ZBTB20: variants seen among roughly 807,000 people sequenced by gnomAD.
ZBTB20 encodes zinc finger and BTB domain containing 20.
In ZBTB20, 9 loss-of-function variants were observed where a neutral mutation model predicts 56.9. The ratio of observed to expected loss-of-function variants is 0.16; its 90% CI spans 0.10 to 0.28. The LOEUF (loss-of-function observed/expected upper bound fraction) is 0.28, where lower values mean the gene tolerates loss of function less well. ZBTB20 is among the 10% of genes least tolerant of loss of function. The pLI is 1.00. For missense variants in ZBTB20, 655 were observed against 1,003.0 expected (o/e 0.65, Z 4.69); for synonymous variants, 417 against 420.7 (o/e 0.99, Z 0.11).
At chr3:115,129,580 C>T (rs941774582) in intron 1 of ZBTB20, among the ~76,000 whole-genome samples, 1 of 152,156 alleles carries the variant, frequency 6.6e-6, no homozygotes, top group Non-Finnish European at 1.5e-5. Flanking sequence ...GCTAGAGTCA[C>T]TTTTAAGTAC....
At chr3:114,517,524 A>G (rs2046145515) in intron 6 of ZBTB20, among the ~76,000 whole-genome samples, 1 of 152,058 alleles carries the variant, frequency 6.6e-6, no homozygotes, top group Non-Finnish European at 1.5e-5. Context: ...AGTGTTTGGG[A>G]AGGACATCCC....
intron 7 of ZBTB20, among the ~76,000 whole-genome samples, chr3:114,398,394 C>A (rs2086522986): frequency 6.6e-6 from 1 of 151,970 alleles, no homozygotes; most frequent in African/African-American, 2.4e-5. Flanking sequence ...GGTTTAAAAC[C>A]CAATTTCTGT....
chr3:114,755,049 C>T (rs1290125176), intron 5 of ZBTB20, among the ~76,000 whole-genome samples: 1 of 152,142 alleles, frequency 6.6e-6, no homozygotes, highest in Non-Finnish European at 1.5e-5. Flanking sequence ...ATTCTCAGAG[C>T]TTCTGATTTA....
At chr3:114,998,591 G>A (rs1204296050) in intron 2 of ZBTB20, among the ~76,000 whole-genome samples, 2 of 151,712 alleles carry the variant, frequency 1.3e-5, no homozygotes, top group Non-Finnish European at 1.5e-5. Flanking sequence ...GAATAGAATA[G>A]TGACTCTAGA....
At chr3:114,792,477 A>C (rs1006576952) in intron 5 of ZBTB20, among the ~76,000 whole-genome samples, 1 of 152,196 alleles carries the variant, frequency 6.6e-6, no homozygotes, top group Non-Finnish European at 1.5e-5. Flanking sequence ...AGGGGGAAGA[A>C]ACAACTACTG....
At chr3:114,713,271 TG>T (rs2064221489) in intron 5 of ZBTB20, among the ~76,000 whole-genome samples, 1 of 152,186 alleles carries the variant, frequency 6.6e-6, no homozygotes, top group South Asian at 2.1e-4. Flanking sequence ...GCAATGCAGA[TG>T]GGTCTCAATT....
chr3:114,657,885 T>C (rs2060499586), intron 6 of ZBTB20, among the ~76,000 whole-genome samples: 1 of 152,140 alleles, frequency 6.6e-6, no homozygotes, highest in African/African-American at 2.4e-5. Flanking sequence ...GAAATATTTG[T>C]CCTGAAACAG....
chr3:114,674,918 A>G (rs889836941), intron 6 of ZBTB20, among the ~76,000 whole-genome samples: 4 of 151,718 alleles, frequency 2.6e-5, no homozygotes, highest in Non-Finnish European at 5.9e-5. Context: ...TCTGCCTTCA[A>G]AGGGTCTCTG....
In ZBTB20 at chr3:114,379,413, T is replaced by C. The variant is rs1311505892; in HGVS notation, c.199+804A>G. 2.0e-5 allele frequency among the ~76,000 whole-genome samples: 3 copies of C among 152,324 alleles called. No homozygotes were observed. In the East Asian group the frequency reaches 5.8e-4, roughly 29 times the overall value. On this transcript the variant is annotated intron_variant, in intron 10 of 11. Coordinates refer to ENST00000675478, the MANE Select transcript of ZBTB20 (RefSeq NM_001348800.3). ...TTCCATTGTCAACACACATGTTTCT[T>C]TTTCTCTGAAGTATTGGGTTACATT...
At chr3:114,354,218 A>G (rs1181983727) in intron 10 of ZBTB20, among the ~76,000 whole-genome samples, 1 of 152,234 alleles carries the variant, frequency 6.6e-6, no homozygotes, top group Non-Finnish European at 1.5e-5. Flanking sequence ...AGGATTTTCT[A>G]TATACAATTT....
chr3:114,861,570 T>C (rs1576146044), intron 4 of ZBTB20, among the ~76,000 whole-genome samples: 1 of 152,108 alleles, frequency 6.6e-6, no homozygotes, highest in East Asian at 1.9e-4. Context: ...GAAGAATGTG[T>C]TCAGACCTGG....
intron 4 of ZBTB20, among the ~76,000 whole-genome samples, chr3:114,898,965 T>C (rs2074997969): frequency 6.6e-6 from 1 of 152,148 alleles, no homozygotes; most frequent in Non-Finnish European, 1.5e-5. Flanking sequence ...ATTGCATTTA[T>C]AGAACTTTAC....
At chr3:115,052,118 T>C (rs1051833193) in intron 2 of ZBTB20, among the ~76,000 whole-genome samples, 2 of 152,004 alleles carry the variant, frequency 1.3e-5, no homozygotes, top group African/African-American at 4.8e-5. Flanking sequence ...GAAATCCTAA[T>C]TGATGAGACT....
intron 7 of ZBTB20, among the ~76,000 whole-genome samples, chr3:114,397,107 CT>C (rs1576583683): frequency 2.0e-5 from 3 of 152,112 alleles, no homozygotes; most frequent in African/African-American, 7.2e-5. Context: ...GATTTCCTTC[CT>C]TTTCTAACTT....
intron 5 of ZBTB20, among the ~76,000 whole-genome samples, chr3:114,706,768 T>A (rs1054356674): frequency 6.6e-6 from 1 of 152,088 alleles, no homozygotes; most frequent in South Asian, 2.1e-4. Context: ...TAGGTAATGC[T>A]GTGTACATCT....
intron 7 of ZBTB20, among the ~76,000 whole-genome samples, chr3:114,497,871 G>C (rs1489155183): frequency 2.0e-5 from 3 of 152,186 alleles, no homozygotes; most frequent in Non-Finnish European, 4.4e-5. Context: ...AGTAGTGTTA[G>C]CTTTTATAAG....
At chr3:115,123,034 CTT>C (rs1471217535) in intron 1 of ZBTB20, among the ~76,000 whole-genome samples, 1 of 152,082 alleles carries the variant, frequency 6.6e-6, no homozygotes, top group Non-Finnish European at 1.5e-5. Context: ...AATTATTGCT[CTT>C]TTTTTCAAAT....
chr3:115,069,512 T>C (rs905841474), intron 2 of ZBTB20, among the ~76,000 whole-genome samples: 2 of 152,130 alleles, frequency 1.3e-5, no homozygotes, highest in Non-Finnish European at 2.9e-5. Flanking sequence ...CTTTTACTTA[T>C]GTCACACATG....
intron 5 of ZBTB20, among the ~76,000 whole-genome samples, chr3:114,736,352 T>C (rs572937966): frequency 8.5e-5 from 13 of 152,300 alleles, no homozygotes; most frequent in Non-Finnish European, 1.3e-4. Flanking sequence ...TTGCTTTCTT[T>C]TGGTTATTTT....
Sources: allele counts gnomAD v4.1 joint callset (sites outside exome capture counted in the v4.1 genomes callset), GRCh38; gene constraint gnomAD v4.1.1; transcripts MANE v1.5; gene names NCBI Gene and HGNC (gene_info 2026-07-23, HGNC 2026-07-21).